ZAN: variants seen among roughly 807,000 people sequenced by gnomAD.
ZAN encodes zonadhesin, also known as zonadhesin (gene/pseudogene).
A neutral mutation model predicts 286.2 loss-of-function variants in ZAN; 260 were observed. That is an observed-to-expected ratio of 0.91 (90% CI 0.82 to 1.01). The LOEUF (loss-of-function observed/expected upper bound fraction) is 1.01, where lower values mean the gene tolerates loss of function less well. Ranked by LOEUF, ZAN falls within the 50% of genes least tolerant of loss-of-function variation. The pLI is 0.00. For missense variants in ZAN, 3,410 were observed against 3,639.2 expected (o/e 0.94, Z 1.62); for synonymous variants, 1,368 against 1,417.5 (o/e 0.97, Z 0.79).
At chr7:100,758,845 G>A (rs543867081) in intron 17 of ZAN, among the ~76,000 whole-genome samples, 195 bp downstream of exon 17, 1 of 152,234 alleles carries the variant, frequency 6.6e-6, no homozygotes, top group South Asian at 2.1e-4. Context: ...CACTTTGGGA[G>A]GCTGAGGCAG....
chr7:100,744,939 G>C (rs1032214215), intron 7 of ZAN, among the ~76,000 whole-genome samples: 1 of 150,352 alleles, frequency 6.7e-6, no homozygotes, highest in Admixed American at 6.7e-5. Context: ...GCTGGAGTGC[G>C]GTGACGCGAT....
intron 7 of ZAN, 64 bp from the exon 8 acceptor site, chr7:100,746,474 C>T (rs1467164027): frequency 3.8e-6 from 6 of 1,582,066 alleles, no homozygotes; most frequent in Non-Finnish European, 4.3e-6. Flanking sequence ...CCTCAGGGCC[C>T]TATCTCTGCT....
rs945464470 is a variant in ZAN, at chr7:100,773,355, A to G, written c.5496A>G (p.Ile1832Met). The G allele has an allele frequency of 2.5e-6, 4 of 1,613,826 alleles. No homozygotes were observed. Among genetic ancestry groups the G allele is most frequent in the Non-Finnish European group, 3.4e-6 (4 of 1,179,890 alleles). The part of the protein sequence containing the change: ...SSPCPDTCSS[I>M]NNPRDCPKAL... ...CCTGCCCAGACACCTGCAGCAGCATAAACAACCCGAGGGACTGCCCCAAAG... is the reference window on the plus strand; with the variant it reads ...CCTGCCCAGACACCTGCAGCAGCATGAACAACCCGAGGGACTGCCCCAAAG... Residue 1832 changes from isoleucine (I) to methionine (M), a missense_variant, in exon 30 of 48, where the codon ATA (isoleucine) becomes ATG (methionine). Physicochemically the swap from Ile to Met is conservative, Grantham distance 10. Transcript: ENST00000613979.
In ZAN at chr7:100,794,017, A is replaced by C. The variant is rs755964447; in HGVS notation, c.7985A>C (p.Gln2662Pro). The part of the protein sequence containing the change: ...CGCTSNGIYY[Q>P]LGSSFLTEDC... ...TGCACCAGCAATGGCATCTACTACC[A>C]GGTCTGAGCTGGCAGCAGGAGGCCC... Residue 2662 changes from glutamine (Q) to proline (P), a missense_variant and splice_region_variant, in exon 43 of 48, where the codon CAG becomes CCG. Gln to Pro is a moderately conservative substitution (Grantham distance 76). Transcript: ENST00000613979. The C allele has an allele frequency of 2.5e-6, 4 of 1,612,998 alleles. No homozygotes were observed. Among genetic ancestry groups the C allele is most frequent in the Non-Finnish European group, 8.5e-7 (1 of 1,179,560 alleles).
rs1489031000 is a variant in ZAN at position 100,752,752 on chromosome 7, G to A, written c.2647G>A (p.Glu883Lys). ...IPTEKLTIPT[E>K]KPTIPIEETT... ...CACGGAAAAACTCACCATCCCCACG[G>A]AAAAACCCACCATCCCCATTGAAGA... Residue 883 changes from glutamate to lysine, a missense_variant, in exon 14 of 48, where the codon GAA (glutamate) becomes AAA (lysine). Transcript: ENST00000613979. The A allele has an allele frequency of 1.9e-6, 3 of 1,538,722 alleles. No homozygotes were observed. The highest frequency in any genetic ancestry group is 1.8e-6 in the Non-Finnish European group (2 of 1,131,536).
intron 29 of ZAN, 66 bp from the exon 30 acceptor site, chr7:100,773,219 T>C: frequency 1.3e-6 from 2 of 1,576,706 alleles, no homozygotes; most frequent in South Asian, 2.2e-5. Flanking sequence ...TAGGAGCTTT[T>C]GATGCCCCAA....
In ZAN at chr7:100,763,762, A is replaced by G; in HGVS notation, c.3987-44A>G. 1.9e-6 allele frequency: 3 copies of G among 1,580,132 alleles called. No homozygotes were observed. Among genetic ancestry groups the G allele is most frequent in the Non-Finnish European group, 2.6e-6 (3 of 1,156,272 alleles). The stretch of plus-strand genomic sequence containing the variant: ...GCCTGCTGGGTTAGGGATGAGCTGG[A>G]AGCGAGCTTTGTCTTTAGGGAGTTT... On this transcript the variant is annotated intron_variant, in intron 20 of 47. Transcript: ENST00000613979. This position sits in a 1 kb window ranked among gnomAD's most constrained non-coding sequence, Gnocchi z 4.6.
rs866350427 is a variant in ZAN at position 100,775,912 on chromosome 7, T to G, written c.6192+79T>G. The G allele has an allele frequency of 2.9e-4, 446 of 1,553,224 alleles. 1 individual carries two copies. In the Middle Eastern group the frequency reaches 4.3e-3, roughly 15 times the overall value. ...TGGCCGGCAGGGATGGGGGGCAGTG[T>G]TCGCATCGTGCCTGCCCAAAGAGGC... On this transcript the variant is annotated intron_variant, in intron 33 of 47. Coordinates refer to ENST00000613979, the MANE Select transcript of ZAN (RefSeq NM_003386.3).
At chr7:100,793,770 G>C in intron 42 of ZAN, 50 bp from the exon 43 acceptor site, 12 of 1,532,520 alleles carry the variant, frequency 7.8e-6, no homozygotes, top group African/African-American at 1.4e-5. Flanking sequence ...CCTTGCCCCT[G>C]TTTGGCCTGC....
In ZAN at chr7:100,787,919, C is replaced by T. The variant is rs1171539272; in HGVS notation, c.7010C>T (p.Pro2337Leu). 1.3e-6 allele frequency: 2 copies of T among 1,543,012 alleles called. No individual in the cohort carries two copies. Among genetic ancestry groups the T allele is most frequent in the Non-Finnish European group, 8.8e-7 (1 of 1,132,034 alleles). ...GAACAATGCTCAGTCTATGGCGACC[C>T]CCGTTACCTCACATTTGACGGCTTC... Reference protein sequence around the residue: ...KSEQCSVYGDPRYLTFDGFSY... With the variant: ...KSEQCSVYGDLRYLTFDGFSY... Residue 2337 changes from proline to leucine, a missense_variant, in exon 38 of 48, where the codon CCC becomes CTC. By Grantham distance (98) the Pro-to-Leu change is moderately conservative (BLOSUM62 -3). Around this residue, in one of 7 missense-constraint regions of ZAN, gnomAD observed 1,289 missense variants for 1,314.3 expected, o/e 0.98. Transcript: ENST00000613979.
intron 12 of ZAN, 122 bp from the exon 13 acceptor site, chr7:100,751,060 C>T: frequency 7.4e-7 from 1 of 1,344,902 alleles, no homozygotes; most frequent in Admixed American, 2.8e-5. Context: ...TGGGGCTGGA[C>T]TGTTGAGGCT....
intron 22 of ZAN, among the ~76,000 whole-genome samples, 181 bp from the exon 23 acceptor site, chr7:100,765,171 C>A (rs991417637): frequency 1.3e-5 from 2 of 152,204 alleles, no homozygotes; most frequent in Non-Finnish European, 2.9e-5. Context: ...CGCCTTAGTG[C>A]TGGCCCTGCA....
In ZAN at chr7:100,753,170, C is replaced by T. The variant is rs1398741979; in HGVS notation, c.3065C>T (p.Pro1022Leu). Residue 1022 changes from proline to leucine, a missense_variant, in exon 14 of 48, where the codon CCA becomes CTA. Pro to Leu is a moderately conservative substitution (Grantham distance 98). Around this residue, in one of 7 missense-constraint regions of ZAN, gnomAD observed 1,042 missense variants for 1,058.0 expected, o/e 0.98. Transcript: ENST00000613979. ...GCCTTGGTGATGTCTCCACATGCTC[C>T]AAGTACCCCTATGACCAGTGTGATT... ...LAALVMSPHA[P>L]STPMTSVILG... is the part of the protein sequence containing the mutation. 6.2e-7 allele frequency: 1 copy of T among 1,613,646 alleles called. No individual in the cohort carries two copies. The highest frequency in any genetic ancestry group is 2.2e-5 in the East Asian group (1 of 44,886).
chr7:100,779,516 A>AGGGC lies in ZAN; in HGVS notation c.6391_6394dup (p.Ala2132GlyfsTer42), dbSNP rs141127397. ...GCAGGAGAACCCGAGTGGAAACTGCAGGGCGGCCGACCTCCGCAGGGCGCG... is the reference window on the plus strand; with the variant it reads ...GCAGGAGAACCCGAGTGGAAACTGCAGGGCGGGCGGCCGACCTCCGCAGGGCGCG... On this transcript the variant is annotated frameshift_variant, in exon 35 of 48. Transcript: ENST00000613979. LOFTEE classifies it high-confidence loss of function. The AGGGC allele has an allele frequency of 0.015, 23,878 of 1,612,436 alleles. 914 individuals are homozygous for AGGGC. Among genetic ancestry groups the AGGGC allele is most frequent in the South Asian group, 0.11 (9,870 of 90,692 alleles).
At chr7:100,765,218 C>T in intron 22 of ZAN, 134 bp from the exon 23 acceptor site, 1 of 1,061,940 alleles carries the variant, frequency 9.4e-7, no homozygotes, top group Non-Finnish European at 1.3e-6. Context: ...GGGGAAGCTT[C>T]TCACAGTCAC....
rs1180574173 is a variant in ZAN, at chr7:100,763,004, C to T, written c.3986+646C>T. ...TTTTTTTTTTTGAGATGGAGTCTTG[C>T]TGTGTCACCCAGGCTAGAGTGTAGT... On this transcript the variant is annotated intron_variant, in intron 20 of 47. Coordinates refer to ENST00000613979, the MANE Select transcript of ZAN (RefSeq NM_003386.3). The surrounding 1 kb of genome is among the most constrained non-coding windows in gnomAD (Gnocchi z 4.6). 6.9e-6 allele frequency among the ~76,000 whole-genome samples: 1 copy of T among 144,136 alleles called. No homozygotes were observed. Among genetic ancestry groups the T allele is most frequent in the Non-Finnish European group, 1.5e-5 (1 of 66,800 alleles). The allele number at this position is 144,136 out of a possible 152,430, so 94.6% of individuals were successfully genotyped here.
intron 32 of ZAN, 21 bp downstream of exon 32, chr7:100,775,596 G>C (rs775649285): frequency 5.0e-6 from 8 of 1,611,572 alleles, no homozygotes; most frequent in Non-Finnish European, 5.9e-6. Context: ...TGTGGTGACC[G>C]GGGCTGGGAG....
At chr7:100,776,999 T>C (rs1224166722) in intron 34 of ZAN, among the ~76,000 whole-genome samples, 4 of 150,286 alleles carry the variant, frequency 2.7e-5, no homozygotes, top group Non-Finnish European at 5.9e-5. Flanking sequence ...CCCAAAGTGC[T>C]GGGATTACAG....
chr7:100,769,462 TTTC>T (rs1336239695), intron 27 of ZAN, among the ~76,000 whole-genome samples: 3 of 152,062 alleles, frequency 2.0e-5, no homozygotes, highest in Admixed American at 6.6e-5. Context: ...TGTCTTTTTT[TTTC>T]TTTTCTTTTC....
Sources: gnomAD v4.1 joint callset for allele counts (sites outside exome capture counted in the v4.1 genomes callset) on GRCh38, gnomAD v4.1.1 for gene constraint, gnomAD v4.1.1 regional missense constraint, Gnocchi (gnomAD v3.1) non-coding constraint, MANE v1.5 for transcripts, NCBI Gene and HGNC (gene_info 2026-07-23, HGNC 2026-07-21) for gene names.